The following ULK2 variants were observed in gnomAD, a reference collection of about 807,000 sequenced individuals.
The protein encoded by ULK2 is unc-51 like autophagy activating kinase 2.
A neutral mutation model predicts 127.5 loss-of-function variants in ULK2; 76 were observed. The ratio of observed to expected loss-of-function variants is 0.60; its 90% CI spans 0.50 to 0.72. ULK2 has a LOEUF of 0.72. Among genes scored for constraint, ULK2 ranks in the 30% least tolerant of loss-of-function variants. The pLI, the probability that ULK2 is intolerant of heterozygous loss-of-function variation, is 0.00. For missense variants in ULK2, 1,144 were observed against 1,295.9 expected, an observed-to-expected ratio of 0.88 and a Z score of 1.80; for synonymous variants, 452 against 461.9, an observed-to-expected ratio of 0.98 and a Z score of 0.28.
In ULK2 at chr17:19,780,537, T is replaced by A; in HGVS notation, c.2851A>T (p.Arg951Trp). ...ACACTGTTGATTTCATCAATAAACC[T>A]CTGTTTGTCAGAGAAGAATCGATTC... Reference protein sequence around the residue: ...KLNRFFSDKQRFIDEINSVTA... With the variant: ...KLNRFFSDKQWFIDEINSVTA... Residue 951 changes from arginine (R) to tryptophan (W), a missense_variant, in exon 25 of 27, where the codon AGG becomes TGG. By Grantham distance (101) the Arg-to-Trp change is moderately radical (BLOSUM62 -3). Around this residue, in one of 2 missense-constraint regions of ULK2, gnomAD observed 913 missense variants for 970.5 expected, o/e 0.94. Coordinates refer to ENST00000395544, the MANE Select transcript of ULK2 (RefSeq NM_014683.4). 3 of 1,613,938 alleles carry A rather than the reference T, an allele frequency of 1.9e-6. No homozygotes were observed. Among genetic ancestry groups the A allele is most frequent in the Non-Finnish European group, 2.5e-6 (3 of 1,179,920 alleles).
At chr17:19,814,419 T>TACATAC (rs1179974040) in intron 13 of ULK2, among the ~76,000 whole-genome samples, 1 of 16,216 alleles carries the variant, frequency 6.2e-5, no homozygotes, top group African/African-American at 1.8e-4. Flanking sequence ...TACATATATA[T>TACATAC]ATATATATAT....
chr17:19,833,543 T>C (rs184182778), intron 10 of ULK2, among the ~76,000 whole-genome samples: 1 of 151,984 alleles, frequency 6.6e-6, no homozygotes, highest in African/African-American at 2.4e-5. Flanking sequence ...ACCCCGACTC[T>C]ATTAAAAACA....
At chr17:19,836,265 C>T (rs915731811) in intron 10 of ULK2, among the ~76,000 whole-genome samples, 3 of 151,934 alleles carry the variant, frequency 2.0e-5, no homozygotes, top group African/African-American at 4.8e-5. Flanking sequence ...AAAAATTAGC[C>T]GGGCATAGTG....
Position 19,825,129 on chromosome 17 carries a change from C to T in ULK2, c.889G>A (p.Gly297Ser). The T allele has an allele frequency of 1.2e-6, 2 of 1,614,136 alleles. No homozygotes were observed. The highest frequency in any genetic ancestry group is 2.2e-5 in the South Asian group (2 of 91,066). Residue 297 changes from glycine (G) to serine (S), a missense_variant, in exon 12 of 27, where the codon GGC (glycine) becomes AGC (serine). By Grantham distance (56) the Gly-to-Ser change is moderately conservative (BLOSUM62 0). Around this residue, in one of 2 missense-constraint regions of ULK2, gnomAD observed 913 missense variants for 970.5 expected, o/e 0.94. Transcript: ENST00000395544. ...YSGSVSGSSCGSSPSCRFASP... is the reference protein window; with the variant it reads ...YSGSVSGSSCSSSPSCRFASP... ...GCAAAACGACAAGATGGAGAGCTGC[C>T]ACAGGAGCTTCCAGAGACAGAACCA... is the stretch of plus-strand genomic sequence containing the variant.
At chr17:19,777,549 A>T in intron 26 of ULK2, 32 bp downstream of exon 26, 1 of 1,576,654 alleles carries the variant, frequency 6.3e-7, no homozygotes, top group Non-Finnish European at 8.6e-7. Context: ...AAAATGAAGT[A>T]AAAAAATACA....
At chr17:19,842,670 G>A (rs2041793482) in intron 8 of ULK2, among the ~76,000 whole-genome samples, 1 of 152,062 alleles carries the variant, frequency 6.6e-6, no homozygotes, top group Non-Finnish European at 1.5e-5. Flanking sequence ...TGGGGGAGAG[G>A]AGGAGAAGAC....
At chr17:19,794,099 T>C (rs2087213868) in intron 20 of ULK2, among the ~76,000 whole-genome samples, 2 of 152,116 alleles carry the variant, frequency 1.3e-5, no homozygotes, top group South Asian at 4.1e-4. Context: ...ATCAGTAGAC[T>C]GGACTTTGCC....
At chr17:19,858,390 AC>A (rs2042175670) in intron 3 of ULK2, among the ~76,000 whole-genome samples, 2 of 151,746 alleles carry the variant, frequency 1.3e-5, no homozygotes, top group African/African-American at 4.8e-5. Context: ...AGAGAGCCAG[AC>A]CCTGTCTCAA....
At chr17:19,850,523 T>C (rs2041989872) in intron 3 of ULK2, among the ~76,000 whole-genome samples, 1 of 152,062 alleles carries the variant, frequency 6.6e-6, no homozygotes, top group Non-Finnish European at 1.5e-5. Context: ...AGTGTGCAAA[T>C]GTAATTCAAA....
chr17:19,852,973 T>C (rs1288400497), intron 3 of ULK2, among the ~76,000 whole-genome samples: 1 of 151,882 alleles, frequency 6.6e-6, no homozygotes, highest in Non-Finnish European at 1.5e-5. Context: ...CAAAATAACA[T>C]GAGTAGGTGG....
chr17:19,816,288 T>C (rs1437999398), intron 13 of ULK2, among the ~76,000 whole-genome samples: 1 of 152,216 alleles, frequency 6.6e-6, no homozygotes, highest in Non-Finnish European at 1.5e-5. Context: ...GTACACTGGC[T>C]CTATTTAGTC....
At chr17:19,857,874 T>A (rs2042165676) in intron 3 of ULK2, among the ~76,000 whole-genome samples, 1 of 152,052 alleles carries the variant, frequency 6.6e-6, no homozygotes, top group Non-Finnish European at 1.5e-5. Flanking sequence ...TTCTTCCAGT[T>A]CCTCAAACTC....
intron 20 of ULK2, among the ~76,000 whole-genome samples, chr17:19,793,785 A>G (rs1043534091): frequency 6.6e-6 from 1 of 152,232 alleles, no homozygotes; most frequent in African/African-American, 2.4e-5. Context: ...GTTTTTAAAC[A>G]AAGTACATCA....
rs529689946 is a variant in ULK2 at position 19,776,921 on chromosome 17, G to A, written c.3053-514C>T. On this transcript the variant is annotated intron_variant, in intron 26 of 26. Coordinates refer to ENST00000395544, the MANE Select transcript of ULK2 (RefSeq NM_014683.4). ...GAACACTTGCCAACAAAGTAACACC[G>A]TGTAGAAATCTAAAGATGAATTACG... is the stretch of plus-strand genomic sequence containing the variant. Among the ~76,000 whole-genome samples the A allele has an allele frequency of 2.7e-4, 41 of 152,260 alleles. 1 individual carries two copies. The highest frequency in any genetic ancestry group is 3.4e-3 in the Middle Eastern group (1 of 294).
chr17:19,776,950 T>C (rs2086822902), intron 26 of ULK2, among the ~76,000 whole-genome samples: 2 of 152,172 alleles, frequency 1.3e-5, no homozygotes, highest in Non-Finnish European at 2.9e-5. Context: ...AATTACGCAG[T>C]CACCAGTGCT....
chr17:19,813,560 A>G (rs1028374859), intron 13 of ULK2, among the ~76,000 whole-genome samples: 1 of 152,204 alleles, frequency 6.6e-6, no homozygotes, highest in Non-Finnish European at 1.5e-5. Context: ...TACATTTCAC[A>G]ATAGCACATT....
chr17:19,856,880 G>A (rs2042141633), intron 3 of ULK2, among the ~76,000 whole-genome samples: 1 of 149,630 alleles, frequency 6.7e-6, no homozygotes, highest in Admixed American at 6.7e-5. Context: ...GGGAGGCTGA[G>A]GTGGGAGAAT....
At chr17:19,816,646 G>T in intron 13 of ULK2, 103 bp downstream of exon 13, 1 of 1,047,048 alleles carries the variant, frequency 9.6e-7, no homozygotes, top group Non-Finnish European at 1.3e-6. Flanking sequence ...ATGCTCATTT[G>T]AAAAGGTGCC....
chr17:19,796,378 G>C (rs1393968935), intron 18 of ULK2, 96 bp from the exon 19 acceptor site: 17 of 1,135,482 alleles, frequency 1.5e-5, no homozygotes, highest in Non-Finnish European at 2.0e-5. Context: ...GTAGTCAGGA[G>C]CATGTAGGAG....
Sources: gnomAD v4.1 joint callset for allele counts (sites outside exome capture counted in the v4.1 genomes callset) on GRCh38, gnomAD v4.1.1 for gene constraint, gnomAD v4.1.1 regional missense constraint, MANE v1.5 for transcripts, NCBI Gene and HGNC (gene_info 2026-07-23, HGNC 2026-07-21) for gene names.